The following PCF11 variants were observed in gnomAD, a reference collection of about 807,000 sequenced individuals.
PCF11 encodes the protein PCF11 cleavage and polyadenylation factor subunit, also known as pre-mRNA cleavage complex 2 protein Pcf11.
PCF11 carries 19 observed loss-of-function variants against 166.1 expected under a neutral mutation model. The observed-to-expected ratio is 0.11, with a 90% CI of 0.08 to 0.17. The LOEUF is 0.17. PCF11 is among the 10% of genes least tolerant of loss of function. The pLI, the probability that PCF11 is intolerant of heterozygous loss-of-function variation, is 1.00. For missense variants in PCF11, 1,565 were observed against 1,855.5 expected (o/e 0.84, Z 2.88); for synonymous variants, 663 against 644.1 (o/e 1.03, Z -0.44).
intron 1 of PCF11, 123 bp downstream of exon 1, chr11:83,157,754 C>G (rs1018243874): frequency 5.8e-6 from 5 of 865,006 alleles, no homozygotes; most frequent in African/African-American, 5.0e-5. Flanking sequence ...CCCCCCCACC[C>G]CCCTCCAACT....
At position 83,167,355 on chromosome 11, in the gene PCF11, A is replaced by G. The variant is rs1203423976; in HGVS notation, c.2001+47A>G. ...ATGTAGTCATCATTATCTATCGTCT[A>G]TTTTTTTGGTATTTTTTTATATTTA... On this transcript the variant is annotated intron_variant, in intron 6 of 15. Transcript: ENST00000298281. The surrounding 1 kb of genome is among the most constrained non-coding windows in gnomAD (Gnocchi z 4.2). 6.5e-6 allele frequency: 10 copies of G among 1,537,020 alleles called. No individual in the cohort carries two copies. In the East Asian group the frequency reaches 1.4e-4, roughly 21 times the overall value.
chr11:83,172,015 A>G (rs1454482087), intron 9 of PCF11, 101 bp downstream of exon 9: 4 of 673,776 alleles, frequency 5.9e-6, no homozygotes, highest in East Asian at 2.6e-5. Context: ...TTGCAAAGGT[A>G]TATTTAATTT....
intron 9 of PCF11, among the ~76,000 whole-genome samples, chr11:83,173,561 C>A: frequency 6.7e-6 from 1 of 148,858 alleles, no homozygotes; most frequent in African/African-American, 2.5e-5. Context: ...ATAGTATATG[C>A]AAAAGTACTT....
At chr11:83,182,360 T>G in intron 13 of PCF11, 39 bp from the exon 14 acceptor site, 1 of 1,019,076 alleles carries the variant, frequency 9.8e-7, no homozygotes, top group Non-Finnish European at 1.5e-6. Context: ...TTAAATATGG[T>G]CTATTATGTA....
chr11:83,164,215 G>A (rs1225685806), exon 4 of PCF11: 3 of 1,606,714 alleles, frequency 1.9e-6, no homozygotes, highest in Non-Finnish European at 2.5e-6. Context: ...AGCCCGAGGA[G>A]CCTTCAACAC....
exon 5 of PCF11, chr11:83,165,687 A>T (rs1386058310): frequency 6.2e-7 from 1 of 1,613,530 alleles, no homozygotes; most frequent in Admixed American, 1.7e-5. Flanking sequence ...GATTCCCCCT[A>T]TGGCAGTTAA....
chr11:83,182,167 T>C (rs1409878761), intron 13 of PCF11, among the ~76,000 whole-genome samples, 158 bp downstream of exon 13: 1 of 152,246 alleles, frequency 6.6e-6, no homozygotes, highest in African/African-American at 2.4e-5. Flanking sequence ...CAATCTAGCT[T>C]TGAGTTTCAT....
rs768982001 is a variant in PCF11, at chr11:83,181,706, T to TATA, written c.4168-147_4168-145dup. The TATA allele has an allele frequency of 1.3e-4, 59 of 449,826 alleles. No individual in the cohort carries two copies. In the Middle Eastern group the frequency reaches 2.9e-3, roughly 22 times the overall value. The allele number at this position is 449,826 out of a possible 1,614,324, so 27.9% of individuals were successfully genotyped here. On this transcript the variant is annotated intron_variant, in intron 12 of 15. Coordinates refer to ENST00000298281, the Ensembl canonical transcript of PCF11. Reference sequence around the variant, plus strand: ...TTATTAGTTTCATGTTGTCATTAGTTATATGTTTCAAAGTATAATTTTAAA... The same window carrying TATA: ...TTATTAGTTTCATGTTGTCATTAGTTATAATATGTTTCAAAGTATAATTTTAAA...
At chr11:83,185,200 CT>C (rs1861241509) in exon 16 of PCF11, 1 of 201,126 alleles carries the variant, frequency 5.0e-6, no homozygotes. Flanking sequence ...AATATTTTTG[CT>C]ATTCATGGAG....
At chr11:83,175,356 C>G (rs1860839253) in intron 9 of PCF11, among the ~76,000 whole-genome samples, 1 of 152,002 alleles carries the variant, frequency 6.6e-6, no homozygotes, top group Non-Finnish European at 1.5e-5. Flanking sequence ...TGGTCTCAAA[C>G]TCCTGACCTC....
chr11:83,166,728 AT>A lies in PCF11; in HGVS notation c.1817+18del, dbSNP rs1171476564. 1.9e-6 allele frequency: 3 copies of A among 1,565,894 alleles called. No homozygotes were observed. Among genetic ancestry groups the A allele is most frequent in the Non-Finnish European group, 2.6e-6 (3 of 1,161,368 alleles). On this transcript the variant is annotated intron_variant, in intron 5 of 15. Coordinates refer to ENST00000298281, the Ensembl canonical transcript of PCF11. ...AGAAAATAAAAGGTATGATGTTAACATTTTAAGTCAAGTGTAGTAGTGTATA... is the reference window on the plus strand; with the variant it reads ...AGAAAATAAAAGGTATGATGTTAACATTTAAGTCAAGTGTAGTAGTGTATA...
At chr11:83,169,264 G>C in exon 8 of PCF11, 1 of 1,612,372 alleles carries the variant, frequency 6.2e-7, no homozygotes. Flanking sequence ...TAATCAACTT[G>C]GTGGGAACCT....
chr11:83,180,019 A>AT (rs1253239097), intron 11 of PCF11: 2 of 151,918 alleles, frequency 1.3e-5, no homozygotes, highest in African/African-American at 4.8e-5. Flanking sequence ...TTCAGTATTA[A>AT]TATTGTGACT....
chr11:83,171,881 C>T, exon 9 of PCF11: 1 of 1,595,960 alleles, frequency 6.3e-7, no homozygotes. Context: ...ACCAGTTCAT[C>T]CACAAAATCC....
chr11:83,161,214 ATATT>A (rs1319726147), intron 1 of PCF11, 109 bp from the exon 2 acceptor site: 15 of 763,130 alleles, frequency 2.0e-5, no homozygotes, highest in African/African-American at 1.3e-4. Flanking sequence ...TACTTCAAAA[ATATT>A]TAGTATCAAC....
At chr11:83,174,953 C>T (rs1333221729) in intron 9 of PCF11, among the ~76,000 whole-genome samples, 1 of 152,148 alleles carries the variant, frequency 6.6e-6, no homozygotes, top group Non-Finnish European at 1.5e-5. Flanking sequence ...TTTGAACAGA[C>T]ATTAATTAGC....
At chr11:83,185,096 A>G (rs1861234982) in exon 16 of PCF11, 1 of 470,780 alleles carries the variant, frequency 2.1e-6, no homozygotes, top group Admixed American at 4.4e-5. Flanking sequence ...TTGTTGTGTG[A>G]AAGTTCTGTA....
chr11:83,174,097 T>A (rs1210083044), intron 9 of PCF11, among the ~76,000 whole-genome samples: 1 of 152,142 alleles, frequency 6.6e-6, no homozygotes, highest in African/African-American at 2.4e-5. Context: ...ACAGAGGAAA[T>A]CATAATTATT....
chr11:83,177,160 A>G, exon 10 of PCF11: 1 of 1,579,248 alleles, frequency 6.3e-7, no homozygotes, highest in Non-Finnish European at 8.6e-7. Flanking sequence ...AAATTGCTAA[A>G]AACAGGAATT....
Sources: allele counts gnomAD v4.1 joint callset (sites outside exome capture counted in the v4.1 genomes callset), GRCh38; gene constraint gnomAD v4.1.1; non-coding constraint Gnocchi (gnomAD v3.1); transcripts MANE v1.5; gene names NCBI Gene and HGNC (gene_info 2026-07-23, HGNC 2026-07-21).